Variants in IGF1R observed in about 807,000 individuals in gnomAD.
The protein encoded by IGF1R is insulin-like growth factor 1 receptor.
IGF1R carries 44 observed loss-of-function variants against 144.6 expected under a neutral mutation model. That is an observed-to-expected ratio of 0.30 (90% CI 0.24 to 0.39). The LOEUF (loss-of-function observed/expected upper bound fraction) is 0.39, where lower values mean the gene tolerates loss of function less well. Among genes scored for constraint, IGF1R ranks in the 10% least tolerant of loss-of-function variants. The pLI is 1.00. For missense variants in IGF1R, 1,355 were observed against 1,833.7 expected (o/e 0.74, Z 4.77); for synonymous variants, 795 against 722.8 (o/e 1.10, Z -1.60).
chr15:98,716,801 G>GA (rs397741678), intron 2 of IGF1R, among the ~76,000 whole-genome samples: 3 of 574 alleles, frequency 5.2e-3, no homozygotes, highest in East Asian at 0.032. Context: ...AGGCAGGGAA[G>GA]GTGACCATCC....
At chr15:98,791,944 A>G (rs1404485282) in intron 2 of IGF1R, among the ~76,000 whole-genome samples, 1 of 152,236 alleles carries the variant, frequency 6.6e-6, no homozygotes, top group Non-Finnish European at 1.5e-5. Flanking sequence ...ATCCTCCAGT[A>G]CACAATCTAG....
intron 20 of IGF1R, among the ~76,000 whole-genome samples, chr15:98,955,542 G>A (rs530618997): frequency 2.8e-4 from 43 of 152,378 alleles, no homozygotes; most frequent in African/African-American, 1.0e-3. Flanking sequence ...GCAGCCCCGG[G>A]TTAGGCCCTG....
intron 2 of IGF1R, among the ~76,000 whole-genome samples, chr15:98,746,949 A>G (rs934984819): frequency 2.0e-5 from 3 of 152,212 alleles, no homozygotes; most frequent in Non-Finnish European, 4.4e-5. Context: ...CTTACATCAT[A>G]TCTCTTGAGT....
intron 2 of IGF1R, among the ~76,000 whole-genome samples, chr15:98,727,999 G>C (rs946524891): frequency 3.0e-5 from 4 of 132,596 alleles, no homozygotes; most frequent in African/African-American, 1.1e-4. Context: ...ACTCACTGAA[G>C]ATGCATTGTT....
chr15:98,789,938 C>T (rs1244486539), intron 2 of IGF1R, among the ~76,000 whole-genome samples: 1 of 152,188 alleles, frequency 6.6e-6, no homozygotes, highest in Non-Finnish European at 1.5e-5. Flanking sequence ...TTCAGATGTA[C>T]TCTGTCTGCC....
intron 2 of IGF1R, among the ~76,000 whole-genome samples, chr15:98,792,175 C>T (rs751855458): frequency 6.6e-6 from 1 of 152,224 alleles, no homozygotes; most frequent in Non-Finnish European, 1.5e-5. Context: ...TGACAGCTCT[C>T]TTATCAACTC....
intron 17 of IGF1R, among the ~76,000 whole-genome samples, chr15:98,937,955 G>A (rs897939256): frequency 6.6e-6 from 1 of 152,196 alleles, no homozygotes; most frequent in Non-Finnish European, 1.5e-5. Context: ...AGATAACCAC[G>A]TGATAAGTGT....
chr15:98,773,916 G>A (rs1394454289), intron 2 of IGF1R, among the ~76,000 whole-genome samples: 2 of 152,152 alleles, frequency 1.3e-5, no homozygotes, highest in South Asian at 2.1e-4. Context: ...ACTGACAACC[G>A]CAGTAGTAGC....
intron 2 of IGF1R, among the ~76,000 whole-genome samples, chr15:98,868,348 A>G (rs1442830774): frequency 7.6e-6 from 1 of 130,802 alleles, no homozygotes; most frequent in Non-Finnish European, 1.6e-5. Flanking sequence ...AAAAAAAGCC[A>G]AATCTGTTGG....
At chr15:98,739,045 T>C (rs899730118) in intron 2 of IGF1R, among the ~76,000 whole-genome samples, 2 of 152,220 alleles carry the variant, frequency 1.3e-5, no homozygotes, top group African/African-American at 4.8e-5. Flanking sequence ...CTTCAGAGTT[T>C]GCATTGCTTT....
chr15:98,918,047 T>C (rs1329302445), intron 10 of IGF1R, among the ~76,000 whole-genome samples: 3 of 152,344 alleles, frequency 2.0e-5, no homozygotes, highest in Admixed American at 2.0e-4. Flanking sequence ...CAATAAAAAA[T>C]GTTAAACAAT....
At chr15:98,835,372 A>G (rs1009630948) in intron 2 of IGF1R, among the ~76,000 whole-genome samples, 1 of 152,262 alleles carries the variant, frequency 6.6e-6, no homozygotes, top group Non-Finnish European at 1.5e-5. Context: ...GGAAGCACTC[A>G]TCTTCTTTCC....
At chr15:98,817,806 C>T (rs1435345136) in intron 2 of IGF1R, among the ~76,000 whole-genome samples, 1 of 152,206 alleles carries the variant, frequency 6.6e-6, no homozygotes, top group Non-Finnish European at 1.5e-5. Context: ...AGATCCCTTT[C>T]TCCTTTCACA....
chr15:98,947,965 C>A (rs1377538561), intron 19 of IGF1R, among the ~76,000 whole-genome samples: 3 of 152,158 alleles, frequency 2.0e-5, no homozygotes, highest in African/African-American at 7.2e-5. Flanking sequence ...AGGCCCTCAC[C>A]CCAGACCAAT....
intron 2 of IGF1R, among the ~76,000 whole-genome samples, chr15:98,723,959 G>A (rs2054303441): frequency 6.6e-6 from 1 of 152,172 alleles, no homozygotes; most frequent in Non-Finnish European, 1.5e-5. Context: ...TTGTATTATG[G>A]CAGCGAGGGC....
intron 1 of IGF1R, among the ~76,000 whole-genome samples, chr15:98,695,426 A>G (rs1321057071): frequency 1.3e-5 from 2 of 152,152 alleles, no homozygotes; most frequent in Admixed American, 1.3e-4. Flanking sequence ...ACCTGGCTGT[A>G]GCATCCTTGT....
At chr15:98,664,081 G>C (rs1209078008) in intron 1 of IGF1R, among the ~76,000 whole-genome samples, 1 of 152,188 alleles carries the variant, frequency 6.6e-6, no homozygotes, top group Non-Finnish European at 1.5e-5. Flanking sequence ...GACTTCCTGG[G>C]AGGGTGGTAT....
chr15:98,660,125 C>G (rs559948219), intron 1 of IGF1R: 2 of 152,132 alleles, frequency 1.3e-5, no homozygotes, highest in Non-Finnish European at 2.9e-5. Context: ...ATTTTTAATT[C>G]GGAAATCTTT....
intron 8 of IGF1R, among the ~76,000 whole-genome samples, chr15:98,915,646 G>A (rs969344416): frequency 1.3e-5 from 2 of 152,178 alleles, no homozygotes; most frequent in African/African-American, 4.8e-5. Flanking sequence ...AGAAATACCA[G>A]GTGTTTGAAT....
Sources: gnomAD v4.1 joint callset for allele counts (sites outside exome capture counted in the v4.1 genomes callset) on GRCh38, gnomAD v4.1.1 for gene constraint, MANE v1.5 for transcripts, NCBI Gene and HGNC (gene_info 2026-07-23, HGNC 2026-07-21) for gene names.